The following TSPAN18 variants were observed in gnomAD, a reference collection of about 807,000 sequenced individuals.
TSPAN18 encodes the protein tetraspanin-18.
Under a neutral mutation model 27.3 loss-of-function variants are expected in TSPAN18, and 14 were observed. The observed-to-expected ratio is 0.51, with a 90% confidence interval of 0.34 to 0.80. The LOEUF is 0.80. TSPAN18 is among the 30% of genes least tolerant of loss of function. The probability of loss-of-function intolerance (pLI) is 0.01; values close to 1 mark genes in which losing one functional copy is unlikely to be tolerated. For synonymous variants in TSPAN18, 143 were observed against 136.5 expected (o/e 1.05, Z -0.33); for missense variants, 268 against 323.9 (o/e 0.83, Z 1.32).
At chr11:44,829,493 C>T (rs1464116278) in intron 2 of TSPAN18, among the ~76,000 whole-genome samples, 2 of 152,078 alleles carry the variant, frequency 1.3e-5, no homozygotes, top group Admixed American at 6.5e-5. Context: ...TTAAGGTTCC[C>T]TCATGTCTTT....
intron 2 of TSPAN18, among the ~76,000 whole-genome samples, chr11:44,819,273 T>C (rs954623011): frequency 1.3e-5 from 2 of 152,160 alleles, no homozygotes; most frequent in African/African-American, 4.8e-5. Context: ...CGCAAGCTGC[T>C]GAGTGCTAAT....
At chr11:44,918,745 A>G (rs1860010718) in intron 6 of TSPAN18, among the ~76,000 whole-genome samples, 1 of 152,010 alleles carries the variant, frequency 6.6e-6, no homozygotes, top group Admixed American at 6.5e-5. Flanking sequence ...CTGCAGCAGG[A>G]GGGAAGGAGA....
chr11:44,754,611 G>T (rs1271828294), intron 1 of TSPAN18, among the ~76,000 whole-genome samples: 1 of 152,220 alleles, frequency 6.6e-6, no homozygotes, highest in Non-Finnish European at 1.5e-5. Flanking sequence ...GATCTCAGAT[G>T]TATCCTTGAG....
rs775184541 is a variant in TSPAN18 at position 44,917,953 on chromosome 11, G to T, written c.259-19G>T. On this transcript the variant is annotated intron_variant, in intron 5 of 9. Transcript: ENST00000520358. ...CCTGCCTGCCCTCTGGGCTCACAAG[G>T]CTGTTCCTCTCCCTGCAGTTCTTCC... The T allele has an allele frequency of 4.0e-5, 65 of 1,613,854 alleles. No homozygotes were observed. The highest frequency in any genetic ancestry group is 5.5e-5 in the Non-Finnish European group (65 of 1,179,876).
At chr11:44,927,774 T>A (rs1405496805) in intron 9 of TSPAN18, among the ~76,000 whole-genome samples, 5 of 151,528 alleles carry the variant, frequency 3.3e-5, no homozygotes, top group Non-Finnish European at 7.4e-5. Flanking sequence ...GGCCCTAGAG[T>A]CCGGCTCCCA....
At chr11:44,735,095 G>A (rs1854758151) in intron 1 of TSPAN18, among the ~76,000 whole-genome samples, 1 of 152,198 alleles carries the variant, frequency 6.6e-6, no homozygotes, top group Non-Finnish European at 1.5e-5. Flanking sequence ...TTCTTCTCCT[G>A]AGCATAGTGA....
Position 44,930,483 on chromosome 11 carries a change from G to T in TSPAN18, c.*1305G>T. 4.2e-6 allele frequency: 1 copy of T among 236,250 alleles called. No individual in the cohort carries two copies. Among genetic ancestry groups the T allele is most frequent in the South Asian group, 5.2e-5 (1 of 19,352 alleles). 14.6% of individuals were successfully genotyped at this position (236,250 alleles called of 1,614,324 possible). A position where few individuals can be genotyped will look rare whatever the true frequency, so the allele number is the denominator to read the frequency against. On this transcript the variant is annotated 3_prime_UTR_variant, in exon 10 of 10. Transcript: ENST00000520358. ...TGAGCCCTCTTCTCTCCAGGCTAAA[G>T]AATCCCGAAGGCATCGAGGCCATTT...
intron 2 of TSPAN18, among the ~76,000 whole-genome samples, chr11:44,822,776 C>T (rs144596415): frequency 2.6e-5 from 4 of 152,176 alleles, no homozygotes; most frequent in Admixed American, 1.3e-4. Flanking sequence ...AAATGAAGAC[C>T]AGGACCCTGC....
intron 3 of TSPAN18, among the ~76,000 whole-genome samples, chr11:44,881,780 G>C (rs190426093): frequency 6.6e-6 from 1 of 152,152 alleles, no homozygotes. Context: ...TCTTGACCCT[G>C]TCCTCATTGT....
At chr11:44,770,755 G>C (rs1402986758) in intron 2 of TSPAN18, among the ~76,000 whole-genome samples, 1 of 152,164 alleles carries the variant, frequency 6.6e-6, no homozygotes, top group Non-Finnish European at 1.5e-5. Flanking sequence ...AGGTGGCTTG[G>C]AAGGTGGAAT....
chr11:44,890,418 C>T (rs2135280747), intron 3 of TSPAN18, among the ~76,000 whole-genome samples: 1 of 152,340 alleles, frequency 6.6e-6, no homozygotes, highest in South Asian at 2.1e-4. Context: ...TTTCAAATTA[C>T]CTAAAAATTG....
Position 44,815,972 on chromosome 11 carries a change from A to G in TSPAN18, c.-152-44356A>G, listed in dbSNP as rs549876960. Among the ~76,000 whole-genome samples, 263 of 152,328 alleles carry G rather than the reference A, an allele frequency of 1.7e-3. 1 individual carries two copies. The highest frequency in any genetic ancestry group is 6.8e-3 in the Middle Eastern group (2 of 294). ...CCCAATATATCCAGAAAACAAAATC[A>G]GTGTCCGTGTGCAGCACAAATGCAG... On this transcript the variant is annotated intron_variant, in intron 2 of 9. Coordinates refer to ENST00000520358, the MANE Select transcript of TSPAN18 (RefSeq NM_130783.5).
intron 1 of TSPAN18, among the ~76,000 whole-genome samples, chr11:44,750,002 C>A: frequency 6.6e-6 from 1 of 152,280 alleles, no homozygotes; most frequent in Non-Finnish European, 1.5e-5. Flanking sequence ...GGCATGGGGG[C>A]TGCTCCACCC....
At chr11:44,790,165 G>GCATGTGTGTGTGTGCA (rs1364088681) in intron 2 of TSPAN18, among the ~76,000 whole-genome samples, 5 of 116,346 alleles carry the variant, frequency 4.3e-5, no homozygotes, top group Non-Finnish European at 8.8e-5. Flanking sequence ...GTGTGTGTGT[G>GCATGTGTGTGTGTGCA]CATGTGTGTG....
At chr11:44,904,088 C>G (rs950209811) in intron 3 of TSPAN18, among the ~76,000 whole-genome samples, 1 of 152,186 alleles carries the variant, frequency 6.6e-6, no homozygotes, top group Non-Finnish European at 1.5e-5. Context: ...ACCCTTGGGG[C>G]ACTGTTGGAA....
intron 2 of TSPAN18, among the ~76,000 whole-genome samples, chr11:44,807,527 C>CAAAAAAAAAAAAAAAA (rs59241339): frequency 1.4e-4 from 9 of 64,482 alleles, no homozygotes; most frequent in Non-Finnish European, 2.1e-4. Flanking sequence ...AACTCCATCT[C>CAAAAAAAAAAAAAAAA]AAAAAAAAAA....
At chr11:44,876,020 A>T (rs1858322040) in intron 3 of TSPAN18, among the ~76,000 whole-genome samples, 1 of 152,162 alleles carries the variant, frequency 6.6e-6, no homozygotes, top group Non-Finnish European at 1.5e-5. Flanking sequence ...ACTGGTCAGG[A>T]AAAGGCCCAG....
intron 2 of TSPAN18, among the ~76,000 whole-genome samples, chr11:44,821,560 G>A (rs939809686): frequency 1.3e-5 from 2 of 152,176 alleles, no homozygotes; most frequent in East Asian, 1.9e-4. Flanking sequence ...TAATTTCTCT[G>A]TGGGGTCAGT....
At chr11:44,829,912 A>G (rs1857120836) in intron 2 of TSPAN18, among the ~76,000 whole-genome samples, 1 of 152,198 alleles carries the variant, frequency 6.6e-6, no homozygotes. Flanking sequence ...AGATTATTTC[A>G]TAGCCCAGAC....
Sources: allele counts gnomAD v4.1 joint callset (sites outside exome capture counted in the v4.1 genomes callset), GRCh38; gene constraint gnomAD v4.1.1; transcripts MANE v1.5; gene names NCBI Gene and HGNC (gene_info 2026-07-23, HGNC 2026-07-21).